Variants in CHCHD3 observed in about 807,000 individuals in gnomAD.
The protein encoded by CHCHD3 is MICOS complex subunit MIC19.
Under a neutral mutation model 38.2 loss-of-function variants are expected in CHCHD3, and 20 were observed. That is an observed-to-expected ratio of 0.52 (90% confidence interval 0.37 to 0.76). CHCHD3 has a LOEUF of 0.76. CHCHD3 is among the 30% of genes least tolerant of loss of function. The pLI is 0.00. For missense variants in CHCHD3, 245 were observed against 279.2 expected, an observed-to-expected ratio of 0.88 and a Z score of 0.87; for synonymous variants, 82 against 100.0, an observed-to-expected ratio of 0.82 and a Z score of 1.07.
At chr7:132,883,124 C>T (rs1467100067) in intron 5 of CHCHD3, among the ~76,000 whole-genome samples, 2 of 152,154 alleles carry the variant, frequency 1.3e-5, no homozygotes, top group Non-Finnish European at 2.9e-5. Flanking sequence ...CCTCCCTAGC[C>T]ATGGAGAACT....
At chr7:133,064,792 C>A (rs1337649652) in intron 2 of CHCHD3, among the ~76,000 whole-genome samples, 1 of 152,138 alleles carries the variant, frequency 6.6e-6, no homozygotes, top group African/African-American at 2.4e-5. Flanking sequence ...AAAGTTAGGT[C>A]ATTTGTCTTG....
intron 2 of CHCHD3, among the ~76,000 whole-genome samples, chr7:133,036,747 C>A: frequency 6.6e-6 from 1 of 152,128 alleles, no homozygotes; most frequent in Non-Finnish European, 1.5e-5. Context: ...CAAACATGAA[C>A]ATCATTACAT....
At chr7:133,037,027 A>T (rs932381729) in intron 2 of CHCHD3, among the ~76,000 whole-genome samples, 1 of 152,238 alleles carries the variant, frequency 6.6e-6, no homozygotes, top group Admixed American at 6.5e-5. Context: ...GCTTCTGATC[A>T]TCAAGATTCA....
intron 6 of CHCHD3, among the ~76,000 whole-genome samples, chr7:132,827,888 T>C (rs1189413761): frequency 4.6e-5 from 7 of 152,326 alleles, no homozygotes; most frequent in South Asian, 4.1e-4. Context: ...TGTTCTACTG[T>C]ATGAATATAA....
intron 6 of CHCHD3, among the ~76,000 whole-genome samples, chr7:132,817,931 G>GA (rs1186736021): frequency 6.6e-6 from 1 of 151,720 alleles, no homozygotes; most frequent in Non-Finnish European, 1.5e-5. Context: ...AAGAAAGAAA[G>GA]AAAAAAGGAA....
chr7:133,019,856 A>G (rs767708568), intron 3 of CHCHD3, among the ~76,000 whole-genome samples: 6 of 152,334 alleles, frequency 3.9e-5, no homozygotes, highest in Admixed American at 1.3e-4. Flanking sequence ...GGTAGGGCAC[A>G]GAGGAGAAGT....
intron 4 of CHCHD3, among the ~76,000 whole-genome samples, chr7:132,947,616 A>G (rs1037993298): frequency 1.3e-5 from 2 of 152,046 alleles, no homozygotes; most frequent in African/African-American, 4.8e-5. Context: ...TAACTGCTGA[A>G]TATCTCTATT....
chr7:132,926,099 T>C (rs1810371498), intron 4 of CHCHD3, among the ~76,000 whole-genome samples: 1 of 152,228 alleles, frequency 6.6e-6, no homozygotes, highest in Admixed American at 6.5e-5. Context: ...ACGGAGTTTC[T>C]TGCATAGGAA....
chr7:132,849,571 T>C (rs1240467642), intron 5 of CHCHD3: 1 of 152,224 alleles, frequency 6.6e-6, no homozygotes, highest in African/African-American at 2.4e-5. Flanking sequence ...AGATTCCTTA[T>C]GGAAACAAGA....
intron 4 of CHCHD3, among the ~76,000 whole-genome samples, chr7:132,893,242 C>T (rs1809412741): frequency 6.6e-6 from 1 of 152,170 alleles, no homozygotes; most frequent in African/African-American, 2.4e-5. Flanking sequence ...GACATGGAGT[C>T]AAAGGAGATT....
intron 5 of CHCHD3, among the ~76,000 whole-genome samples, chr7:132,861,686 TGTA>T (rs1808494056): frequency 6.6e-6 from 1 of 152,214 alleles, no homozygotes; most frequent in African/African-American, 2.4e-5. Context: ...TCAACTCTGT[TGTA>T]GTACGAAAGT....
intron 6 of CHCHD3, among the ~76,000 whole-genome samples, chr7:132,822,906 T>A (rs1807421846): frequency 1.3e-5 from 2 of 151,872 alleles, no homozygotes; most frequent in African/African-American, 4.8e-5. Context: ...TACAGACCAA[T>A]CCTATGAGGC....
chr7:132,894,963 A>C (rs1010597117), intron 4 of CHCHD3, among the ~76,000 whole-genome samples: 3 of 152,240 alleles, frequency 2.0e-5, no homozygotes, highest in Non-Finnish European at 4.4e-5. Flanking sequence ...GAAGGGCTTC[A>C]GTCATCCATG....
intron 7 of CHCHD3, among the ~76,000 whole-genome samples, chr7:132,789,421 C>A (rs1379521204): frequency 6.6e-6 from 1 of 152,184 alleles, no homozygotes. Flanking sequence ...TTTCCCAAGT[C>A]TTTTTCTCAT....
At chr7:132,937,676 T>C (rs1048099707) in intron 4 of CHCHD3, among the ~76,000 whole-genome samples, 1 of 152,220 alleles carries the variant, frequency 6.6e-6, no homozygotes, top group Non-Finnish European at 1.5e-5. Flanking sequence ...TAGGCAGCAG[T>C]GCCTACTTCA....
At chr7:132,961,749 C>A (rs1811327224) in intron 4 of CHCHD3, among the ~76,000 whole-genome samples, 1 of 152,194 alleles carries the variant, frequency 6.6e-6, no homozygotes, top group South Asian at 2.1e-4. Flanking sequence ...TATCTTATAA[C>A]TGAAACTTTG....
chr7:132,882,673 G>A (rs1293659276), intron 5 of CHCHD3, among the ~76,000 whole-genome samples: 2 of 152,016 alleles, frequency 1.3e-5, no homozygotes, highest in Non-Finnish European at 2.9e-5. Flanking sequence ...GTGAGTCTAT[G>A]AGAAATGGGA....
chr7:132,857,694 C>T (rs1422941688), intron 5 of CHCHD3, among the ~76,000 whole-genome samples: 9 of 151,940 alleles, frequency 5.9e-5, no homozygotes, highest in Non-Finnish European at 1.3e-4. Context: ...AGGCATGAGC[C>T]GCTGCGCCTG....
chr7:132,857,806 A>T (rs1808379279), intron 5 of CHCHD3, among the ~76,000 whole-genome samples: 1 of 152,186 alleles, frequency 6.6e-6, no homozygotes. Context: ...ACTCAATCCC[A>T]CTGGGTCTGG....
Sources: allele counts gnomAD v4.1 joint callset (sites outside exome capture counted in the v4.1 genomes callset), GRCh38; gene constraint gnomAD v4.1.1; transcripts MANE v1.5; gene names NCBI Gene and HGNC (gene_info 2026-07-23, HGNC 2026-07-21).